NOS1: variants seen among roughly 807,000 people sequenced by gnomAD.
The protein encoded by NOS1 is nitric oxide synthase 1.
Under a neutral mutation model 164.5 loss-of-function variants are expected in NOS1, and 51 were observed. The ratio of observed to expected loss-of-function variants is 0.31; its 90% CI spans 0.25 to 0.39. The LOEUF (loss-of-function observed/expected upper bound fraction) is 0.39, where lower values mean the gene tolerates loss of function less well. Among genes scored for constraint, NOS1 ranks in the 10% least tolerant of loss-of-function variants. The probability of loss-of-function intolerance (pLI) is 1.00; values close to 1 mark genes in which losing one functional copy is unlikely to be tolerated. For synonymous variants in NOS1, 719 were observed against 745.8 expected, an observed-to-expected ratio of 0.96 and a Z score of 0.59; for missense variants, 1,362 against 1,885.6, an observed-to-expected ratio of 0.72 and a Z score of 5.14.
At chr12:117,314,661 C>T (rs1874592978) in intron 2 of NOS1, among the ~76,000 whole-genome samples, 1 of 152,174 alleles carries the variant, frequency 6.6e-6, no homozygotes, top group Non-Finnish European at 1.5e-5. Flanking sequence ...GGCGGGAGTG[C>T]AGTGGGGTGA....
At position 117,247,765 on chromosome 12, in the gene NOS1, T is replaced by C. The variant is rs190275063; in HGVS notation, c.2649-243A>G. On this transcript the variant is annotated intron_variant, in intron 17 of 28. Transcript: ENST00000317775. The stretch of plus-strand genomic sequence containing the variant: ...AAGAGGAAGAGCCTGGCTAACACGG[T>C]GAAACCCCGTCTCTACTAAAAGTAC... 1.0e-3 allele frequency among the ~76,000 whole-genome samples: 156 copies of C among 151,864 alleles called. 1 individual carries two copies. Among genetic ancestry groups the C allele is most frequent in the African/African-American group, 3.6e-3 (148 of 41,440 alleles).
chr12:117,220,556 C>T (rs1320352729), intron 26 of NOS1, among the ~76,000 whole-genome samples: 3 of 152,136 alleles, frequency 2.0e-5, no homozygotes, highest in Non-Finnish European at 4.4e-5. Context: ...CCAGAATCAT[C>T]CCCTGGAGAG....
intron 25 of NOS1, among the ~76,000 whole-genome samples, chr12:117,224,340 C>T (rs747568329): frequency 2.0e-5 from 3 of 152,106 alleles, no homozygotes; most frequent in Non-Finnish European, 4.4e-5. Context: ...GGCTGGAGTG[C>T]GGTGGCACGA....
chr12:117,305,463 C>CA (rs34249731), intron 3 of NOS1, among the ~76,000 whole-genome samples: 31,476 of 120,010 alleles, frequency 0.26, 3,845 homozygotes, highest in Middle Eastern at 0.33. Flanking sequence ...GACTCCATCT[C>CA]AAAAAAAAAA....
intron 3 of NOS1, among the ~76,000 whole-genome samples, chr12:117,304,134 T>C (rs930677619): frequency 8.6e-5 from 13 of 151,912 alleles, no homozygotes; most frequent in African/African-American, 2.9e-4. Flanking sequence ...ATCAGGCCAC[T>C]GCACTCCAGC....
Position 117,311,498 on chromosome 12 carries a change from C to A in NOS1, c.820G>T (p.Val274Phe). 1.9e-6 allele frequency: 3 copies of A among 1,611,690 alleles called. 1 individual carries two copies. The highest frequency in any genetic ancestry group is 1.1e-5 in the South Asian group (1 of 90,078). Residue 274 changes from valine to phenylalanine, a missense_variant, in exon 3 of 29, where the codon GTC becomes TTC. By Grantham distance (50) the Val-to-Phe change is conservative. Transcript: ENST00000317775. ...DLWGKGNVPV[V>F]LNNPYSEKEQ... Reference sequence around the variant, plus strand: ...TTCTCTGAATATGGGTTGTTGAGGACGACAGGCACATTGCCCTTCCCCCAT... The same window carrying A: ...TTCTCTGAATATGGGTTGTTGAGGAAGACAGGCACATTGCCCTTCCCCCAT...
intron 10 of NOS1, among the ~76,000 whole-genome samples, chr12:117,271,983 G>C (rs1403932017): frequency 1.3e-5 from 2 of 152,154 alleles, no homozygotes; most frequent in Non-Finnish European, 2.9e-5. Context: ...AAGACCGAGA[G>C]GCAGCGGAGT....
intron 2 of NOS1, among the ~76,000 whole-genome samples, chr12:117,321,910 TTCCC>T (rs1874946430): frequency 6.6e-6 from 1 of 150,984 alleles, no homozygotes; most frequent in Non-Finnish European, 1.5e-5. Context: ...CCTTCCTTCC[TTCCC>T]TCCCTCCCTC....
At chr12:117,220,609 T>C (rs1566023991) in intron 26 of NOS1, among the ~76,000 whole-genome samples, 2 of 152,116 alleles carry the variant, frequency 1.3e-5, no homozygotes, top group Non-Finnish European at 2.9e-5. Flanking sequence ...TCTCTCCTGG[T>C]GGCCAATGGT....
chr12:117,300,049 CACA>C (rs781309946), intron 3 of NOS1, among the ~76,000 whole-genome samples: 4 of 152,056 alleles, frequency 2.6e-5, no homozygotes, highest in Non-Finnish European at 4.4e-5. Flanking sequence ...ATTGAAAATG[CACA>C]ACAAGTTTCA....
chr12:117,215,980 C>G (rs1274904275), intron 28 of NOS1, among the ~76,000 whole-genome samples: 1 of 146,750 alleles, frequency 6.8e-6, no homozygotes, highest in Non-Finnish European at 1.5e-5. Flanking sequence ...TAGGTTCAAG[C>G]GATTCCTGTG....
chr12:117,228,915 G>T (rs1868940412), intron 22 of NOS1, among the ~76,000 whole-genome samples: 1 of 152,092 alleles, frequency 6.6e-6, no homozygotes, highest in Non-Finnish European at 1.5e-5. Context: ...CCGAGTAGCT[G>T]GGACTACCGG....
rs1956550952 is a variant in NOS1 at position 117,212,943 on chromosome 12, T to G, written c.*2366A>C. 1.0e-6 allele frequency: 1 copy of G among 985,168 alleles called. No homozygotes were observed. The highest frequency in any genetic ancestry group is 1.1e-4 in the East Asian group (1 of 8,816). The allele number at this position is 985,168 out of a possible 1,614,324, so 61.0% of individuals were successfully genotyped here. A position where few individuals can be genotyped will look rare whatever the true frequency, so the allele number is the denominator to read the frequency against. ...GCCTGGAGTTGTGAAGCAGCTTGTG[T>G]TGGGGATTGAAAGGTGTTTACTTAA... On this transcript the variant is annotated 3_prime_UTR_variant, in exon 29 of 29. Coordinates refer to ENST00000317775, the MANE Select transcript of NOS1 (RefSeq NM_000620.5).
intron 13 of NOS1, among the ~76,000 whole-genome samples, chr12:117,263,189 C>A (rs1414735575): frequency 6.6e-6 from 1 of 151,166 alleles, no homozygotes; most frequent in Admixed American, 6.6e-5. Context: ...GCTAGAACTA[C>A]AGGCGTGTGC....
In NOS1 at chr12:117,256,284, G is replaced by GTTTTTTTTTTTTTTTTTTTTTTTTT. The variant is rs57047376; in HGVS notation, c.2531+2112_2531+2113insAAAAAAAAAAAAAAAAAAAAAAAAA. Among the ~76,000 whole-genome samples the GTTTTTTTTTTTTTTTTTTTTTTTTT allele has an allele frequency of 1.2e-3, 148 of 118,416 alleles. 17 individuals carry two copies. The highest frequency in any genetic ancestry group is 2.3e-3 in the African/African-American group (61 of 26,140). 77.7% of individuals were successfully genotyped at this position (118,416 alleles called of 152,430 possible). Reference sequence around the variant, plus strand: ...CAAAGAAAATCAGAAGGGATTTTCTGTTTTTTTTTTTTGAGACGGAGTCTC... The same window carrying GTTTTTTTTTTTTTTTTTTTTTTTTT: ...CAAAGAAAATCAGAAGGGATTTTCTGTTTTTTTTTTTTTTTTTTTTTTTTTTTTTTTTTTTTTGAGACGGAGTCTC... On this transcript the variant is annotated intron_variant, in intron 16 of 28. Coordinates refer to ENST00000317775, the MANE Select transcript of NOS1 (RefSeq NM_000620.5).
In NOS1 at chr12:117,330,315, C is replaced by CACAT; in HGVS notation, c.725+29_725+30insATGT. 1.3e-6 allele frequency: 2 copies of CACAT among 1,585,904 alleles called. No individual in the cohort carries two copies. Among genetic ancestry groups the CACAT allele is most frequent in the Non-Finnish European group, 1.7e-6 (2 of 1,164,254 alleles). The stretch of plus-strand genomic sequence containing the variant: ...ACACAAGCATGCACACACACACACA[C>CACAT]ACACACACACACACCCCTGTGGAGC... On this transcript the variant is annotated intron_variant, in intron 2 of 28. Transcript: ENST00000317775. The surrounding 1 kb of genome is among the most constrained non-coding windows in gnomAD (Gnocchi z 4.6).
chr12:117,268,114 T>C lies in NOS1; in HGVS notation c.1870A>G (p.Arg624Gly). The change falls in exon 11 of 29, where the codon AGG becomes GGG. Residue 624 changes from arginine (R) to glycine (G), a missense_variant. By Grantham distance (125) the Arg-to-Gly change is moderately radical. Coordinates refer to ENST00000317775, the MANE Select transcript of NOS1 (RefSeq NM_000620.5). ...TCCTTCCACAGGGAGGACGTCTTCC[T>C]CATGTCTAAGTTCATCTTCTTGGCC... is the stretch of plus-strand genomic sequence containing the variant. ...EVAKKMNLDM[R>G]KTSSLWKDQA... 2 of 1,614,068 alleles carry C rather than the reference T, an allele frequency of 1.2e-6. No individual in the cohort carries two copies. The highest frequency in any genetic ancestry group is 1.7e-6 in the Non-Finnish European group (2 of 1,179,934).
chr12:117,260,009 C>T (rs1409897247), intron 14 of NOS1, among the ~76,000 whole-genome samples: 1 of 151,690 alleles, frequency 6.6e-6, no homozygotes, highest in Non-Finnish European at 1.5e-5. Context: ...GTCCCAGCTA[C>T]TCGGGAGGCT....
At chr12:117,244,453 G>C (rs1870459828) in intron 18 of NOS1, among the ~76,000 whole-genome samples, 1 of 151,978 alleles carries the variant, frequency 6.6e-6, no homozygotes, top group African/African-American at 2.4e-5. Flanking sequence ...TGGCCAGGCT[G>C]GTTTCGAGCT....
Sources: gnomAD v4.1 joint callset for allele counts (sites outside exome capture counted in the v4.1 genomes callset) on GRCh38, gnomAD v4.1.1 for gene constraint, Gnocchi (gnomAD v3.1) non-coding constraint, MANE v1.5 for transcripts, NCBI Gene and HGNC (gene_info 2026-07-23, HGNC 2026-07-21) for gene names.